Variants in VWA3B observed in about 807,000 individuals in gnomAD.
VWA3B encodes von Willebrand factor A domain-containing protein 3B.
A neutral mutation model predicts 158.3 loss-of-function variants in VWA3B; 138 were observed. The ratio of observed to expected loss-of-function variants is 0.87; its 90% CI spans 0.76 to 1.00. The LOEUF (loss-of-function observed/expected upper bound fraction) is 1.00, where lower values mean the gene tolerates loss of function less well. VWA3B is among the 50% of genes least tolerant of loss of function. The pLI, the probability that VWA3B is intolerant of heterozygous loss-of-function variation, is 0.00. For missense variants in VWA3B, 1,555 were observed against 1,565.1 expected, an observed-to-expected ratio of 0.99 and a Z score of 0.11; for synonymous variants, 596 against 587.3, an observed-to-expected ratio of 1.01 and a Z score of -0.21.
intron 16 of VWA3B, among the ~76,000 whole-genome samples, chr2:98,232,349 T>A (rs1227612808): frequency 6.6e-6 from 1 of 152,216 alleles, no homozygotes; most frequent in Non-Finnish European, 1.5e-5. Context: ...AGTGCTTTGA[T>A]CTGTCTTCTC....
Position 98,294,986 on chromosome 2 carries a change from C to T in VWA3B, c.3158-2921C>T, listed in dbSNP as rs115633874. Among the ~76,000 whole-genome samples, 672 of 152,210 alleles carry T rather than the reference C, an allele frequency of 4.4e-3. 3 individuals are homozygous for T. The highest frequency in any genetic ancestry group is 6.2e-3 in the Non-Finnish European group (419 of 68,016). ...TCCATGGAAAGAGTTTTTCTGCATC[C>T]GATGTGAGAGCTCCTCTTAGGAGTA... On this transcript the variant is annotated intron_variant, in intron 23 of 27. Coordinates refer to ENST00000477737, the MANE Select transcript of VWA3B (RefSeq NM_144992.5).
chr2:98,232,930 C>G (rs778245385), intron 16 of VWA3B, among the ~76,000 whole-genome samples: 6 of 152,234 alleles, frequency 3.9e-5, no homozygotes, highest in Middle Eastern at 3.4e-3. Context: ...CCCCACATTG[C>G]TGGCAGGGAG....
chr2:98,238,195 A>G (rs1458679928), intron 19 of VWA3B, among the ~76,000 whole-genome samples: 2 of 152,184 alleles, frequency 1.3e-5, no homozygotes. Context: ...TGGGATGACC[A>G]GTGACTCTCC....
intron 20 of VWA3B, among the ~76,000 whole-genome samples, chr2:98,250,901 C>A (rs184668251): frequency 4.0e-5 from 6 of 151,678 alleles, no homozygotes; most frequent in Admixed American, 2.6e-4. Context: ...CTACTGTGTA[C>A]CCACAAAAAT....
chr2:98,316,770 G>A (rs1691097604), downstream of VWA3B, among the ~76,000 whole-genome samples: 1 of 151,952 alleles, frequency 6.6e-6, no homozygotes, highest in South Asian at 2.1e-4. Flanking sequence ...GTACTGTATA[G>A]TGACTGAGTT....
intron 26 of VWA3B, among the ~76,000 whole-genome samples, chr2:98,305,061 C>T (rs1317739470): frequency 6.6e-6 from 1 of 152,160 alleles, no homozygotes; most frequent in African/African-American, 2.4e-5. Flanking sequence ...GAGCTCCGCC[C>T]TCACTGACTG....
chr2:98,261,363 A>T (rs1006387379), intron 21 of VWA3B, among the ~76,000 whole-genome samples: 2 of 151,826 alleles, frequency 1.3e-5, no homozygotes, highest in Non-Finnish European at 3.0e-5. Flanking sequence ...TTGTGTGCCC[A>T]TTAACACTGA....
At position 98,228,253 on chromosome 2, in the gene VWA3B, CT is replaced by C. The variant is rs750961084; in HGVS notation, c.2072del (p.Leu691ArgfsTer12). ...GGAAATGGAACAGGGTCACAGTGAT[CT>C]GGAGAAGATGCAAGACCTTTATTCT... ...VKEMEQGHSD[L>X]EKMQDLYSES... is the part of the protein sequence containing the mutation. On this transcript the variant is annotated frameshift_variant, in exon 15 of 28. Transcript: ENST00000477737. LOFTEE classifies it high-confidence loss of function. 24 of 1,613,966 alleles carry C rather than the reference CT, an allele frequency of 1.5e-5. No individual in the cohort carries two copies. In the African/African-American group the frequency reaches 1.6e-4, roughly 11 times the overall value.
chr2:98,189,297 T>C (rs1681383002), intron 10 of VWA3B, among the ~76,000 whole-genome samples: 1 of 152,030 alleles, frequency 6.6e-6, no homozygotes, highest in South Asian at 2.1e-4. Flanking sequence ...GTCCCAGCCG[T>C]TCGGGAGGCT....
chr2:98,165,934 T>A (rs1401228234), intron 8 of VWA3B, among the ~76,000 whole-genome samples: 1 of 152,180 alleles, frequency 6.6e-6, no homozygotes, highest in African/African-American at 2.4e-5. Context: ...ATGGGGAGCC[T>A]GCTGCTAAGG....
At chr2:98,326,764 T>G in the VWA3B span, among the ~76,000 whole-genome samples, 9 of 148,158 alleles carry the variant, frequency 6.1e-5, no homozygotes, top group Non-Finnish European at 1.3e-4. Flanking sequence ...CTCAAGAAAA[T>G]AAATAAATAA....
At chr2:98,122,953 G>A (rs989708079) in intron 5 of VWA3B, among the ~76,000 whole-genome samples, 2 of 152,226 alleles carry the variant, frequency 1.3e-5, no homozygotes, top group African/African-American at 4.8e-5. Context: ...TGCAAGCCCT[G>A]CACAGACCGC....
intron 11 of VWA3B, among the ~76,000 whole-genome samples, chr2:98,193,943 A>G (rs999366086): frequency 2.0e-5 from 3 of 152,214 alleles, no homozygotes; most frequent in Admixed American, 2.0e-4. Context: ...ACAAGTGTAT[A>G]AAGTTGTAAC....
downstream of VWA3B, among the ~76,000 whole-genome samples, chr2:98,316,877 C>T (rs1233764000): frequency 6.6e-6 from 1 of 152,120 alleles, no homozygotes; most frequent in African/African-American, 2.4e-5. Context: ...TCACCTTCCA[C>T]CATAATTGGA....
In VWA3B at chr2:98,290,652, C is replaced by G. The variant is rs747655393; in HGVS notation, c.3157+30C>G. On this transcript the variant is annotated intron_variant, in intron 23 of 27. Transcript: ENST00000477737. ...TTTTTTTTTTTTTAATTTCGTGAGG[C>G]TTTTGTTAAATAATTTGATACTAGG... 15 of 1,447,828 alleles carry G rather than the reference C, an allele frequency of 1.0e-5. No individual in the cohort carries two copies. The Admixed American group carries it at 2.4e-4, about 23-fold the overall frequency. The allele number at this position is 1,447,828 out of a possible 1,614,324, so 89.7% of individuals were successfully genotyped here.
intron 8 of VWA3B, among the ~76,000 whole-genome samples, chr2:98,169,769 G>A (rs1679424975): frequency 6.6e-6 from 1 of 150,798 alleles, no homozygotes; most frequent in Admixed American, 6.6e-5. Flanking sequence ...GTGTCGGTGT[G>A]CCTGTTCTGG....
At chr2:98,273,965 C>T (rs932691318) in intron 22 of VWA3B, among the ~76,000 whole-genome samples, 5 of 152,250 alleles carry the variant, frequency 3.3e-5, no homozygotes, top group African/African-American at 9.6e-5. Flanking sequence ...TTACAACATA[C>T]GAATTAATTG....
chr2:98,192,885 A>G lies in VWA3B; in HGVS notation c.1467-13A>G, dbSNP rs952799523. On this transcript the variant is annotated splice_polypyrimidine_tract_variant and intron_variant, in intron 10 of 27. Transcript: ENST00000477737. ...GGCTCTCACCATTCACTTTCAACCT[A>G]CTTCCTGCCTAGGATTAAATGGCTA... 4 of 1,614,126 alleles carry G rather than the reference A, an allele frequency of 2.5e-6. No individual in the cohort carries two copies. The Admixed American group carries it at 6.7e-5, about 27-fold the overall frequency.
At chr2:98,151,239 A>C (rs1558607076) in intron 7 of VWA3B, among the ~76,000 whole-genome samples, 2 of 151,846 alleles carry the variant, frequency 1.3e-5, no homozygotes, top group South Asian at 4.2e-4. Context: ...CAGCCTCCCG[A>C]GTAGCTGGGA....
Sources: gnomAD v4.1 joint callset for allele counts (sites outside exome capture counted in the v4.1 genomes callset) on GRCh38, gnomAD v4.1.1 for gene constraint, MANE v1.5 for transcripts, NCBI Gene and HGNC (gene_info 2026-07-23, HGNC 2026-07-21) for gene names.